Variants in RGL1 observed in about 807,000 individuals in gnomAD.
The protein encoded by RGL1 is ral guanine nucleotide dissociation stimulator like 1.
A neutral mutation model predicts 95.2 loss-of-function variants in RGL1; 24 were observed. That is an observed-to-expected ratio of 0.25 (90% CI 0.18 to 0.35). The LOEUF (loss-of-function observed/expected upper bound fraction) is 0.35. Among genes scored for constraint, RGL1 ranks in the 10% least tolerant of loss-of-function variants. The pLI, the probability that RGL1 is intolerant of heterozygous loss-of-function variation, is 1.00. For synonymous variants in RGL1, 329 were observed against 344.9 expected (o/e 0.95, Z 0.51); for missense variants, 715 against 936.3 (o/e 0.76, Z 3.08).
intron 2 of RGL1, among the ~76,000 whole-genome samples, chr1:183,780,896 T>C (rs1312221066): frequency 6.6e-6 from 1 of 152,234 alleles, no homozygotes; most frequent in African/African-American, 2.4e-5. Flanking sequence ...GGAGTCATGC[T>C]GTTCCGTGGC....
intron 1 of RGL1, among the ~76,000 whole-genome samples, chr1:183,660,626 A>G (rs1572238799): frequency 6.6e-6 from 1 of 151,534 alleles, no homozygotes; most frequent in East Asian, 1.9e-4. Flanking sequence ...TTAACACCCC[A>G]CTGTCAGCAT....
chr1:183,907,063 G>T lies in RGL1; in HGVS notation c.1524G>T (p.Ser508=). Residue 508 remains serine (S), a synonymous_variant, in exon 14 of 18, where the codon TCG becomes TCT. Transcript: ENST00000360851. ...IEAAADASTT[S]PKPRKSMVKR... The stretch of plus-strand genomic sequence containing the variant: ...CAGCTGCTGACGCCAGCACCACCTC[G>T]CCCAAGCCTCGGAAGAGCATGGTGA... 6.2e-7 allele frequency: 1 copy of T among 1,612,288 alleles called. No homozygotes were observed. Among genetic ancestry groups the T allele is most frequent in the Non-Finnish European group, 8.5e-7 (1 of 1,179,006 alleles).
chr1:183,805,061 G>A, upstream of RGL1: 1 of 391,254 alleles, frequency 2.6e-6, no homozygotes. Flanking sequence ...CTTACATCAC[G>A]GAGTGGCGTG....
intron 10 of RGL1, among the ~76,000 whole-genome samples, chr1:183,898,525 A>G (rs1294780818): frequency 6.6e-6 from 1 of 152,222 alleles, no homozygotes; most frequent in African/African-American, 2.4e-5. Flanking sequence ...GTGGAAGACC[A>G]GAGGGAGGAG....
intron 16 of RGL1, among the ~76,000 whole-genome samples, 186 bp downstream of exon 16, chr1:183,916,887 T>C (rs192901597): frequency 2.2e-4 from 33 of 152,268 alleles, no homozygotes; most frequent in Admixed American, 9.2e-4. Flanking sequence ...ATGATATATG[T>C]ATATAAAATA....
At chr1:183,639,297 A>G (rs78811671) in intron 1 of RGL1, among the ~76,000 whole-genome samples, 4 of 151,994 alleles carry the variant, frequency 2.6e-5, no homozygotes, top group Non-Finnish European at 5.9e-5. Context: ...AAAAAAAAAA[A>G]AGAAAAAAGA....
At chr1:183,883,727 C>A (rs185498665) in intron 5 of RGL1, 59 bp from the exon 6 acceptor site, 1 of 1,595,588 alleles carries the variant, frequency 6.3e-7, no homozygotes, top group Admixed American at 1.7e-5. Context: ...TCTGATGACT[C>A]TATAAGCAAG....
chr1:183,801,636 A>G (rs1660998496), upstream of RGL1, among the ~76,000 whole-genome samples: 4 of 152,226 alleles, frequency 2.6e-5, no homozygotes, highest in Admixed American at 1.3e-4. Flanking sequence ...CTATAAAGGA[A>G]TACCTGAGAG....
intron 4 of RGL1, among the ~76,000 whole-genome samples, chr1:183,869,138 A>G (rs1666015818): frequency 6.6e-6 from 1 of 152,172 alleles, no homozygotes; most frequent in South Asian, 2.1e-4. Flanking sequence ...AAATAATAAT[A>G]ATAAAAAAAT....
intron 1 of RGL1, among the ~76,000 whole-genome samples, chr1:183,697,984 G>C (rs1451610745): frequency 6.6e-6 from 1 of 152,146 alleles, no homozygotes; most frequent in East Asian, 1.9e-4. Context: ...GAGAAGCCAG[G>C]GTATTTTCCC....
intron 1 of RGL1, among the ~76,000 whole-genome samples, chr1:183,700,304 C>T (rs1189054701): frequency 6.6e-6 from 1 of 152,014 alleles, no homozygotes; most frequent in East Asian, 1.9e-4. Context: ...CTGAGGGAAA[C>T]ATAATGGTTG....
chr1:183,867,889 T>A (rs1665934227), intron 4 of RGL1, among the ~76,000 whole-genome samples: 1 of 152,208 alleles, frequency 6.6e-6, no homozygotes, highest in Admixed American at 6.5e-5. Context: ...GCTAGGGATG[T>A]GAAAGTAGAA....
chr1:183,848,505 C>T (rs887664521), intron 3 of RGL1, among the ~76,000 whole-genome samples: 17 of 152,250 alleles, frequency 1.1e-4, no homozygotes, highest in Middle Eastern at 6.8e-3. Flanking sequence ...TCCTTATATT[C>T]TGGGGTTTCC....
intron 2 of RGL1, among the ~76,000 whole-genome samples, chr1:183,743,701 C>T (rs1021694448): frequency 5.3e-5 from 8 of 152,182 alleles, no homozygotes; most frequent in Admixed American, 5.2e-4. Flanking sequence ...GTTTAGCACA[C>T]ATTCTCCTTG....
At chr1:183,819,321 G>A (rs1468385215) in intron 2 of RGL1, among the ~76,000 whole-genome samples, 1 of 152,176 alleles carries the variant, frequency 6.6e-6, no homozygotes, top group Non-Finnish European at 1.5e-5. Context: ...GGCTTGTCCT[G>A]TAGTGTACTT....
intron 16 of RGL1, among the ~76,000 whole-genome samples, chr1:183,918,825 T>C (rs903463632): frequency 6.6e-6 from 1 of 152,226 alleles, no homozygotes; most frequent in Non-Finnish European, 1.5e-5. Flanking sequence ...AGGCTTATTC[T>C]GGAGAGACGA....
chr1:183,901,754 C>G (rs1324785850), intron 11 of RGL1, among the ~76,000 whole-genome samples: 1 of 151,844 alleles, frequency 6.6e-6, no homozygotes, highest in Admixed American at 6.6e-5. Context: ...AGGGAAAATA[C>G]ATGAAAACTC....
At chr1:183,834,848 A>G (rs1663524616) in intron 2 of RGL1, among the ~76,000 whole-genome samples, 1 of 151,754 alleles carries the variant, frequency 6.6e-6, no homozygotes, top group African/African-American at 2.4e-5. Context: ...ACCCAGGCTA[A>G]TTTTCTAATT....
At chr1:183,863,156 G>C (rs1274660976) in intron 3 of RGL1, among the ~76,000 whole-genome samples, 1 of 152,142 alleles carries the variant, frequency 6.6e-6, no homozygotes, top group African/African-American at 2.4e-5. Context: ...GGCTGGTGAG[G>C]CTGGAAAGGG....
Sources: allele counts gnomAD v4.1 joint callset (sites outside exome capture counted in the v4.1 genomes callset), GRCh38; gene constraint gnomAD v4.1.1; transcripts MANE v1.5; gene names NCBI Gene and HGNC (gene_info 2026-07-23, HGNC 2026-07-21).